CCDC7: variants seen among roughly 807,000 people sequenced by gnomAD.
CCDC7 encodes the protein coiled-coil domain containing 7.
A neutral mutation model predicts 196.9 loss-of-function variants in CCDC7; 183 were observed. The observed-to-expected ratio is 0.93, with a 90% CI of 0.82 to 1.05. The LOEUF (loss-of-function observed/expected upper bound fraction) is 1.05. CCDC7 is among the 50% of genes least tolerant of loss of function. The pLI is 0.00. For synonymous variants in CCDC7, 525 were observed against 484.6 expected (o/e 1.08, Z -1.10); for missense variants, 1,540 against 1,482.2 (o/e 1.04, Z -0.64).
At chr10:32,659,367 G>A (rs995394032) in intron 20 of CCDC7, among the ~76,000 whole-genome samples, 2 of 152,062 alleles carry the variant, frequency 1.3e-5, no homozygotes. Flanking sequence ...TTGATTTCTA[G>A]TTTTATACCA....
chr10:32,586,473 G>A (rs2059291117), intron 18 of CCDC7, among the ~76,000 whole-genome samples: 1 of 152,172 alleles, frequency 6.6e-6, no homozygotes, highest in African/African-American at 2.4e-5. Flanking sequence ...GAGTGATATT[G>A]CCTAGGTTTT....
chr10:32,796,080 C>G (rs909762344), intron 29 of CCDC7, among the ~76,000 whole-genome samples: 9 of 152,058 alleles, frequency 5.9e-5, no homozygotes, highest in Non-Finnish European at 8.8e-5. Context: ...CCTCTGTCTC[C>G]TCTGTCCTCA....
At chr10:32,452,896 A>C (rs1164242944) in intron 1 of CCDC7, among the ~76,000 whole-genome samples, 2 of 152,204 alleles carry the variant, frequency 1.3e-5, no homozygotes, top group Non-Finnish European at 2.9e-5. Flanking sequence ...ATAGTACATC[A>C]AACTTGTACA....
intron 11 of CCDC7, among the ~76,000 whole-genome samples, chr10:32,526,994 C>T (rs2135752594): frequency 6.6e-6 from 1 of 152,206 alleles, no homozygotes; most frequent in Non-Finnish European, 1.5e-5. Flanking sequence ...AAATTGCAGT[C>T]CATGTGTCCT....
chr10:32,814,420 G>T, exon 31 of CCDC7: 1 of 1,612,206 alleles, frequency 6.2e-7, no homozygotes, highest in Non-Finnish European at 8.5e-7. Flanking sequence ...TATACTAAAG[G>T]ATGAATTCAA....
At chr10:32,775,768 A>T (rs2079920590) in intron 28 of CCDC7, among the ~76,000 whole-genome samples, 1 of 152,034 alleles carries the variant, frequency 6.6e-6, no homozygotes, top group Non-Finnish European at 1.5e-5. Flanking sequence ...TATATGTCTT[A>T]AACTATCTGC....
intron 41 of CCDC7, among the ~76,000 whole-genome samples, chr10:32,858,508 G>A (rs143610105): frequency 3.1e-4 from 47 of 152,224 alleles, no homozygotes; most frequent in Admixed American, 1.3e-3. Context: ...CTGACATGTA[G>A]GGCTGGTTGA....
chr10:32,805,155 A>C (rs926850989), intron 30 of CCDC7, 57 bp downstream of exon 31: 25 of 1,261,982 alleles, frequency 2.0e-5, no homozygotes, highest in Admixed American at 6.8e-5. Context: ...TTCAAAGTTT[A>C]AGTGTGTATC....
rs190993997 is a variant in CCDC7, at chr10:32,452,182, A to G, written c.279+261A>G. ...TATGAAATGTCTGCCAGGGAAAATC[A>G]TTAGAAACTCAGTGCCCTGGGATTT... On this transcript the variant is annotated intron_variant, in intron 1 of 41. Coordinates refer to ENST00000639629, the Ensembl canonical transcript of CCDC7. Among the ~76,000 whole-genome samples, 73 of 152,338 alleles carry G rather than the reference A, an allele frequency of 4.8e-4. 1 individual carries two copies. Among genetic ancestry groups the G allele is most frequent in the Non-Finnish European group, 6.6e-4 (45 of 68,026 alleles).
At chr10:32,805,223 C>T in intron 30 of CCDC7, 125 bp downstream of exon 31, 1 of 658,820 alleles carries the variant, frequency 1.5e-6, no homozygotes, top group South Asian at 1.9e-5. Flanking sequence ...CTCATGAATA[C>T]CCTCCCATAT....
chr10:32,814,148 G>A (rs2087822598), intron 30 of CCDC7, among the ~76,000 whole-genome samples: 1 of 151,946 alleles, frequency 6.6e-6, no homozygotes, highest in African/African-American at 2.4e-5. Flanking sequence ...AGTAGAGACG[G>A]GGTTTCACCA....
Position 32,558,468 on chromosome 10 carries a change from A to G in CCDC7, c.1135-7090A>G, listed in dbSNP as rs972407123. On this transcript the variant is annotated intron_variant, in intron 13 of 41. Transcript: ENST00000639629. Reference sequence around the variant, plus strand: ...CAAAGAATCTGGGGCTCCCTATCTTATCTTCTTTTCTTTGTGTAATTTCCC... The same window carrying G: ...CAAAGAATCTGGGGCTCCCTATCTTGTCTTCTTTTCTTTGTGTAATTTCCC... Among the ~76,000 whole-genome samples the G allele has an allele frequency of 8.5e-5, 13 of 152,164 alleles. No individual in the cohort carries two copies. The South Asian group carries it at 1.7e-3, about 19-fold the overall frequency.
At chr10:32,592,900 T>TAA (rs2059920839) in intron 18 of CCDC7, among the ~76,000 whole-genome samples, 1 of 152,230 alleles carries the variant, frequency 6.6e-6, no homozygotes, top group Admixed American at 6.5e-5. Flanking sequence ...TATGGCTGCA[T>TAA]AGTATTCCGT....
chr10:32,584,809 AGT>A (rs994381771), intron 18 of CCDC7, among the ~76,000 whole-genome samples: 3 of 148,168 alleles, frequency 2.0e-5, no homozygotes, highest in African/African-American at 7.4e-5. Flanking sequence ...TTACTTAGAG[AGT>A]CTATTTTAAC....
At chr10:32,468,539 TG>T (rs1441145374) in intron 5 of CCDC7, among the ~76,000 whole-genome samples, 2 of 152,200 alleles carry the variant, frequency 1.3e-5, no homozygotes, top group Non-Finnish European at 2.9e-5. Context: ...GGGAATAGTT[TG>T]ACTTCCACTC....
chr10:32,498,811 T>C (rs1453622165), intron 9 of CCDC7, among the ~76,000 whole-genome samples: 3 of 137,672 alleles, frequency 2.2e-5, no homozygotes, highest in Admixed American at 1.5e-4. Context: ...TGGCTGCCCT[T>C]AACATTTTTT....
chr10:32,583,283 T>G, exon 17 of CCDC7: 2 of 1,231,218 alleles, frequency 1.6e-6, no homozygotes, highest in Non-Finnish European at 2.0e-6. Flanking sequence ...TCATTTTACC[T>G]CCTGTTCTTA....
chr10:32,488,505 C>G (rs531141363), intron 8 of CCDC7, among the ~76,000 whole-genome samples: 7 of 152,272 alleles, frequency 4.6e-5, no homozygotes, highest in Non-Finnish European at 1.0e-4. Context: ...CACCCACTTT[C>G]CGACACTCCC....
At chr10:32,635,747 G>C (rs746284771) in intron 20 of CCDC7, among the ~76,000 whole-genome samples, 44 of 151,386 alleles carry the variant, frequency 2.9e-4, no homozygotes, top group Non-Finnish European at 6.0e-4. Context: ...TTTCATCCTG[G>C]TAACTTAACA....
Sources: allele counts gnomAD v4.1 joint callset (sites outside exome capture counted in the v4.1 genomes callset), GRCh38; gene constraint gnomAD v4.1.1; transcripts MANE v1.5; gene names NCBI Gene and HGNC (gene_info 2026-07-23, HGNC 2026-07-21).